The following COL4A2 variants were observed in gnomAD, a reference collection of about 807,000 sequenced individuals.
COL4A2 encodes collagen type IV alpha 2 chain.
In COL4A2, 99 loss-of-function variants were observed where a neutral mutation model predicts 200.2. The observed-to-expected ratio is 0.49, with a 90% CI of 0.42 to 0.58. COL4A2 has a LOEUF of 0.58. Ranked by LOEUF, COL4A2 falls within the 20% of genes least tolerant of loss-of-function variation. The pLI is 0.00. For synonymous variants in COL4A2, 897 were observed against 900.6 expected (o/e 1.00, Z 0.07); for missense variants, 1,950 against 2,314.1 (o/e 0.84, Z 3.23).
intron 4 of COL4A2, among the ~76,000 whole-genome samples, chr13:110,412,253 A>G (rs1030236854): frequency 6.6e-6 from 1 of 152,246 alleles, no homozygotes; most frequent in Non-Finnish European, 1.5e-5. Flanking sequence ...GGAACTCTGC[A>G]GTCAGGACTT....
intron 6 of COL4A2, among the ~76,000 whole-genome samples, chr13:110,425,795 C>T (rs1396846965): frequency 1.3e-5 from 2 of 152,146 alleles, no homozygotes; most frequent in African/African-American, 4.8e-5. Context: ...CCAGGCTGCA[C>T]GAGTAGGGCC....
intron 3 of COL4A2, among the ~76,000 whole-genome samples, chr13:110,311,657 C>T (rs1884986224): frequency 6.6e-6 from 1 of 152,190 alleles, no homozygotes; most frequent in Non-Finnish European, 1.5e-5. Flanking sequence ...GACTTCCCCT[C>T]GGCTGCCTAT....
chr13:110,333,412 GTTTGCTGTGACATTCAGAGGCAGC>G (rs1426159669), intron 3 of COL4A2, among the ~76,000 whole-genome samples: 1 of 152,196 alleles, frequency 6.6e-6, no homozygotes, highest in Non-Finnish European at 1.5e-5. Context: ...CCTCTGAGCT[GTTTGCTGTGACATTCAGAGGCAGC>G]TTTGCTATCT....
At chr13:110,335,681 C>T (rs1309637107) in intron 3 of COL4A2, among the ~76,000 whole-genome samples, 2 of 152,192 alleles carry the variant, frequency 1.3e-5, no homozygotes, top group Admixed American at 1.3e-4. Context: ...TCCACTCTGG[C>T]TGATCCAAAC....
At chr13:110,442,476 A>G (rs1412500132) in intron 16 of COL4A2, among the ~76,000 whole-genome samples, 2 of 152,042 alleles carry the variant, frequency 1.3e-5, no homozygotes, top group Non-Finnish European at 2.9e-5. Context: ...TTTGTTCCCC[A>G]CCCAACACCT....
At chr13:110,325,887 G>A (rs1885396057) in intron 3 of COL4A2, among the ~76,000 whole-genome samples, 1 of 151,938 alleles carries the variant, frequency 6.6e-6, no homozygotes, top group East Asian at 1.9e-4. Flanking sequence ...GGGTTCAAGC[G>A]ATTCTCCTGC....
At chr13:110,446,318 G>T (rs960071981) in intron 17 of COL4A2, among the ~76,000 whole-genome samples, 1 of 152,160 alleles carries the variant, frequency 6.6e-6, no homozygotes, top group Non-Finnish European at 1.5e-5. Flanking sequence ...GAACCTGGGT[G>T]GGGGCACATC....
At chr13:110,428,215 G>A (rs1358799329) in intron 6 of COL4A2, among the ~76,000 whole-genome samples, 1 of 152,192 alleles carries the variant, frequency 6.6e-6, no homozygotes, top group Non-Finnish European at 1.5e-5. Context: ...AAGAAACCCC[G>A]ACAGTGTACT....
rs138258483 is a variant in COL4A2, at chr13:110,373,129, A to T, written c.180+15577A>T. 9.2e-5 allele frequency among the ~76,000 whole-genome samples: 14 copies of T among 152,356 alleles called. No individual in the cohort carries two copies. The East Asian group carries it at 2.7e-3, about 29-fold the overall frequency. On this transcript the variant is annotated intron_variant, in intron 4 of 47. Transcript: ENST00000360467. ...GTTGTAAGTTTTTTCTGCCAGCACT[A>T]TGAATCATTTGGGGTGTCTGATCCA... is the stretch of plus-strand genomic sequence containing the variant.
At chr13:110,320,254 C>T (rs1331677523) in intron 3 of COL4A2, among the ~76,000 whole-genome samples, 1 of 152,196 alleles carries the variant, frequency 6.6e-6, no homozygotes, top group Non-Finnish European at 1.5e-5. Context: ...AGGTCACCTC[C>T]GGGCACTGGG....
At chr13:110,448,965 T>G (rs1221709436) in intron 18 of COL4A2, among the ~76,000 whole-genome samples, 2 of 152,162 alleles carry the variant, frequency 1.3e-5, no homozygotes, top group Admixed American at 6.5e-5. Context: ...CCCTGCACAC[T>G]CGGCACGAAG....
chr13:110,387,382 A>G (rs896388263), intron 4 of COL4A2, among the ~76,000 whole-genome samples: 1 of 152,246 alleles, frequency 6.6e-6, no homozygotes, highest in Admixed American at 6.5e-5. Context: ...TGAGAATGGC[A>G]TCTCACGTCC....
chr13:110,498,094 G>C (rs1594110170), intron 40 of COL4A2, among the ~76,000 whole-genome samples: 1 of 152,238 alleles, frequency 6.6e-6, no homozygotes, highest in African/African-American at 2.4e-5. Flanking sequence ...TCAGACACCT[G>C]TTGGGTTCTT....
chr13:110,325,533 C>A lies in COL4A2; in HGVS notation c.99+17410C>A, dbSNP rs199902928. Among the ~76,000 whole-genome samples the A allele has an allele frequency of 2.6e-5, 4 of 152,236 alleles. No homozygotes were observed. The East Asian group carries it at 5.8e-4, about 22-fold the overall frequency. On this transcript the variant is annotated intron_variant, in intron 3 of 47. Coordinates refer to ENST00000360467, the MANE Select transcript of COL4A2 (RefSeq NM_001846.4). Reference sequence around the variant, plus strand: ...TCATAGAAGTGTCTCCCAGGGAAATCGTATTGGAAGATCAGTGGCTGAGGT... The same window carrying A: ...TCATAGAAGTGTCTCCCAGGGAAATAGTATTGGAAGATCAGTGGCTGAGGT...
chr13:110,400,881 GA>G (rs1173583083), intron 4 of COL4A2, among the ~76,000 whole-genome samples: 4 of 151,966 alleles, frequency 2.6e-5, no homozygotes, highest in African/African-American at 9.7e-5. Flanking sequence ...AGATACTTAA[GA>G]AAAAAAATGA....
intron 3 of COL4A2, among the ~76,000 whole-genome samples, chr13:110,337,218 C>G (rs1339916808): frequency 6.6e-6 from 1 of 152,188 alleles, no homozygotes; most frequent in Non-Finnish European, 1.5e-5. Flanking sequence ...GGGGCATGGG[C>G]GCCGGAAGTT....
intron 4 of COL4A2, among the ~76,000 whole-genome samples, chr13:110,418,775 T>C (rs1431586723): frequency 6.6e-6 from 1 of 152,222 alleles, no homozygotes; most frequent in Non-Finnish European, 1.5e-5. Context: ...CTGTGTTGCA[T>C]GGAATAGGCT....
chr13:110,403,040 C>T (rs944578445), intron 4 of COL4A2, among the ~76,000 whole-genome samples: 8 of 152,168 alleles, frequency 5.3e-5, no homozygotes, highest in Non-Finnish European at 1.2e-4. Flanking sequence ...CCCCAGGGTC[C>T]TGGCATTCTG....
At chr13:110,330,616 C>T (rs745599728) in intron 3 of COL4A2, among the ~76,000 whole-genome samples, 6 of 152,220 alleles carry the variant, frequency 3.9e-5, no homozygotes, top group Non-Finnish European at 7.4e-5. Flanking sequence ...TCCAAGTGTC[C>T]GATGTCTGTC....
Sources: allele counts gnomAD v4.1 joint callset (sites outside exome capture counted in the v4.1 genomes callset), GRCh38; gene constraint gnomAD v4.1.1; transcripts MANE v1.5; gene names NCBI Gene and HGNC (gene_info 2026-07-23, HGNC 2026-07-21).